DEUP1: variants seen among roughly 807,000 people sequenced by gnomAD.
DEUP1 encodes coiled-coil domain containing 67.
Under a neutral mutation model 87.4 loss-of-function variants are expected in DEUP1, and 82 were observed. The observed-to-expected ratio is 0.94, with a 90% CI of 0.78 to 1.13. DEUP1 has a LOEUF of 1.13. Among genes scored for constraint, DEUP1 ranks in the 50% most tolerant of loss-of-function variants. The pLI is 0.00. For synonymous variants in DEUP1, 214 were observed against 222.7 expected (o/e 0.96, Z 0.35); for missense variants, 663 against 681.5 (o/e 0.97, Z 0.30).
chr11:93,429,146 G>A (rs1948028105), intron 13 of DEUP1, among the ~76,000 whole-genome samples: 1 of 151,940 alleles, frequency 6.6e-6, no homozygotes, highest in Admixed American at 6.6e-5. Flanking sequence ...TGTTGGTTTT[G>A]CCTTGTAATA....
chr11:93,331,164 T>C (rs1038748140), intron 1 of DEUP1, among the ~76,000 whole-genome samples: 1 of 65,716 alleles, frequency 1.5e-5, no homozygotes, highest in Non-Finnish European at 4.1e-5. Flanking sequence ...CTCCGCTCTG[T>C]CTCTCTTAAT....
At chr11:93,363,021 A>G (rs972659848) in intron 4 of DEUP1, among the ~76,000 whole-genome samples, 9 of 151,904 alleles carry the variant, frequency 5.9e-5, no homozygotes, top group African/African-American at 1.7e-4. Flanking sequence ...CAATATATGA[A>G]TGGTTAAACA....
chr11:93,362,242 G>A (rs746734279), intron 4 of DEUP1, among the ~76,000 whole-genome samples: 6 of 151,960 alleles, frequency 3.9e-5, no homozygotes, highest in Non-Finnish European at 8.8e-5. Flanking sequence ...AAACTTTTGT[G>A]CTTCAAAGGA....
At chr11:93,370,967 C>T in intron 6 of DEUP1, 71 bp from the exon 7 acceptor site, 1 of 1,330,166 alleles carries the variant, frequency 7.5e-7, no homozygotes, top group Non-Finnish European at 1.0e-6. Flanking sequence ...TCTTTTCTAT[C>T]ATTCTTGAAC....
intron 4 of DEUP1, among the ~76,000 whole-genome samples, chr11:93,361,930 G>A (rs907407059): frequency 2.0e-5 from 3 of 151,982 alleles, no homozygotes; most frequent in African/African-American, 7.2e-5. Context: ...AATATTAATA[G>A]AAAGCAGAAG....
At chr11:93,376,814 G>A (rs1215432174) in intron 7 of DEUP1, among the ~76,000 whole-genome samples, 5 of 152,120 alleles carry the variant, frequency 3.3e-5, no homozygotes, top group African/African-American at 4.8e-5. Flanking sequence ...TTGATAGGCT[G>A]TGTTACTATT....
chr11:93,355,309 AAT>A, intron 2 of DEUP1, 60 bp from the exon 3 acceptor site: 1 of 1,435,466 alleles, frequency 7.0e-7, no homozygotes, highest in Non-Finnish European at 9.7e-7. Flanking sequence ...GCAATGTAAT[AAT>A]TTTTTTTGCC....
chr11:93,363,691 A>G (rs186248100), intron 4 of DEUP1, among the ~76,000 whole-genome samples: 25 of 152,030 alleles, frequency 1.6e-4, no homozygotes, highest in African/African-American at 5.8e-4. Context: ...AATTTATTTA[A>G]ACGTATCCAC....
At chr11:93,363,001 C>A (rs933002701) in intron 4 of DEUP1, among the ~76,000 whole-genome samples, 1 of 151,740 alleles carries the variant, frequency 6.6e-6, no homozygotes, top group Non-Finnish European at 1.5e-5. Context: ...TGGAAAAAAT[C>A]AAAATGTCTC....
At chr11:93,350,596 G>A (rs558191711) in intron 2 of DEUP1, among the ~76,000 whole-genome samples, 22 of 152,230 alleles carry the variant, frequency 1.4e-4, no homozygotes, top group Admixed American at 2.6e-4. Flanking sequence ...GCATCTTAGG[G>A]TCTGTCCTAG....
chr11:93,358,669 C>T (rs748112472), intron 4 of DEUP1, among the ~76,000 whole-genome samples: 3 of 152,098 alleles, frequency 2.0e-5, no homozygotes, highest in East Asian at 1.9e-4. Context: ...CTGCAACCTC[C>T]GCCACCCTGG....
At chr11:93,430,957 G>C (rs1022471652) in intron 13 of DEUP1, among the ~76,000 whole-genome samples, 2 of 151,934 alleles carry the variant, frequency 1.3e-5, no homozygotes, top group Non-Finnish European at 2.9e-5. Context: ...TTGGCTGGGC[G>C]TGGTGGCACA....
At chr11:93,419,265 G>C (rs1048040833) in intron 13 of DEUP1, among the ~76,000 whole-genome samples, 1 of 151,754 alleles carries the variant, frequency 6.6e-6, no homozygotes, top group Non-Finnish European at 1.5e-5. Flanking sequence ...CAGACCCAAG[G>C]CTTATACAGC....
At position 93,332,264 on chromosome 11, in the gene DEUP1, A is replaced by C. The variant is rs1224719737; in HGVS notation, c.5A>C (p.Glu2Ala). 2 of 1,608,264 alleles carry C rather than the reference A, an allele frequency of 1.2e-6. No individual in the cohort carries two copies. Among genetic ancestry groups the C allele is most frequent in the South Asian group, 2.2e-5 (2 of 89,508 alleles). ...CAGATGTAGCAGTTTCTTGACATGG[A>C]GAACCAAGCCCATAATACGATGGGG... M[E>A]NQAHNTMGTS... Residue 2 changes from glutamate (E) to alanine (A), a missense_variant, in exon 2 of 14, where the codon GAG becomes GCG. By Grantham distance (107) the Glu-to-Ala change is moderately radical. Coordinates refer to ENST00000298050, the MANE Select transcript of DEUP1 (RefSeq NM_181645.4).
chr11:93,414,970 C>A, intron 12 of DEUP1, 30 bp from the exon 13 acceptor site: 2 of 1,237,736 alleles, frequency 1.6e-6, no homozygotes, highest in Non-Finnish European at 2.2e-6. Flanking sequence ...TCCTTGATAG[C>A]AACAACAACA....
chr11:93,397,900 A>G (rs12284477), intron 11 of DEUP1, among the ~76,000 whole-genome samples: 37,170 of 152,024 alleles, frequency 0.24, 4,989 homozygotes, highest in Middle Eastern at 0.38. Flanking sequence ...TAGAAAAAAT[A>G]TATGAGCATA....
chr11:93,335,782 A>G (rs936865061), intron 2 of DEUP1, among the ~76,000 whole-genome samples: 2 of 152,146 alleles, frequency 1.3e-5, no homozygotes, highest in African/African-American at 2.4e-5. Flanking sequence ...TTTAGGTCAT[A>G]TCAAGTTTTT....
At chr11:93,370,272 C>T (rs1945652891) in intron 6 of DEUP1, 86 bp downstream of exon 6, 2 of 682,640 alleles carry the variant, frequency 2.9e-6, no homozygotes, top group African/African-American at 2.5e-5. Flanking sequence ...TATTTACAAA[C>T]AGACATGCCA....
At chr11:93,386,615 C>T (rs781278177) in intron 8 of DEUP1, among the ~76,000 whole-genome samples, 23 of 152,162 alleles carry the variant, frequency 1.5e-4, no homozygotes, top group Admixed American at 1.5e-3. Flanking sequence ...GCTAGCATTT[C>T]TTTGAGGTCT....
Sources: gnomAD v4.1 joint callset for allele counts (sites outside exome capture counted in the v4.1 genomes callset) on GRCh38, gnomAD v4.1.1 for gene constraint, MANE v1.5 for transcripts, NCBI Gene and HGNC (gene_info 2026-07-23, HGNC 2026-07-21) for gene names.